The following ADAMTS2 variants were observed in gnomAD, a reference collection of about 807,000 sequenced individuals.
ADAMTS2 encodes A disintegrin and metalloproteinase with thrombospondin motifs 2.
Under a neutral mutation model 123.0 loss-of-function variants are expected in ADAMTS2, and 50 were observed. The observed-to-expected ratio is 0.41, with a 90% CI of 0.32 to 0.51. ADAMTS2 has a LOEUF of 0.51. ADAMTS2 is among the 20% of genes least tolerant of loss of function. ADAMTS2 has a pLI of 0.35. For synonymous variants in ADAMTS2, 678 were observed against 695.4 expected (o/e 0.98, Z 0.39); for missense variants, 1,494 against 1,705.2 (o/e 0.88, Z 2.18).
intron 19 of ADAMTS2, among the ~76,000 whole-genome samples, chr5:179,123,156 C>G (rs564095254): frequency 4.1e-4 from 63 of 152,180 alleles, no homozygotes; most frequent in Non-Finnish European, 6.3e-4. Flanking sequence ...TCTGACCCAG[C>G]CTAGGAGGCG....
chr5:179,245,594 G>A (rs986639633), intron 3 of ADAMTS2, among the ~76,000 whole-genome samples: 37 of 149,340 alleles, frequency 2.5e-4, no homozygotes, highest in Admixed American at 1.6e-3. Context: ...GTGAAACCCC[G>A]TCTCTACTAA....
chr5:179,168,382 C>T (rs1348570464), intron 5 of ADAMTS2, among the ~76,000 whole-genome samples: 2 of 152,186 alleles, frequency 1.3e-5, no homozygotes, highest in East Asian at 3.9e-4. Context: ...GAGTCCAGCC[C>T]CTCCTCCCAG....
At chr5:179,200,627 G>C (rs1447090375) in intron 4 of ADAMTS2, among the ~76,000 whole-genome samples, 1 of 152,154 alleles carries the variant, frequency 6.6e-6, no homozygotes, top group Non-Finnish European at 1.5e-5. Context: ...CGGTTGGTGA[G>C]GAACTGGAGC....
intron 10 of ADAMTS2, among the ~76,000 whole-genome samples, chr5:179,144,329 TA>T (rs1467722595): frequency 6.6e-6 from 1 of 152,212 alleles, no homozygotes; most frequent in Non-Finnish European, 1.5e-5. Flanking sequence ...TGATCAGTGT[TA>T]AAATGGAAAT....
chr5:179,321,865 A>T (rs1757190946), intron 2 of ADAMTS2, among the ~76,000 whole-genome samples: 1 of 152,026 alleles, frequency 6.6e-6, no homozygotes. Context: ...CTCAGCCCCC[A>T]GGCCCACAGA....
At chr5:179,295,659 C>A (rs1266110225) in intron 2 of ADAMTS2, among the ~76,000 whole-genome samples, 2 of 152,192 alleles carry the variant, frequency 1.3e-5, no homozygotes, top group African/African-American at 4.8e-5. Context: ...TCCCTGCAAC[C>A]ACCACAGACT....
Position 179,130,689 on chromosome 5 carries a change from C to T in ADAMTS2, c.2291-591G>A, listed in dbSNP as rs944504669. ...AGAGGACCTGGCTAGCCAGGAAGCC[C>T]CATGCTCTCTGCAGTGTGGGGGGTG... On this transcript the variant is annotated intron_variant, in intron 15 of 21. Transcript: ENST00000251582. The surrounding 1 kb of genome is among the most constrained non-coding windows in gnomAD (Gnocchi z 4.3). 6.6e-6 allele frequency among the ~76,000 whole-genome samples: 1 copy of T among 152,162 alleles called. No individual in the cohort carries two copies. The highest frequency in any genetic ancestry group is 1.5e-5 in the Non-Finnish European group (1 of 68,038).
chr5:179,207,490 GC>G (rs1381880100), intron 4 of ADAMTS2, 22 bp downstream of exon 4: 7 of 548,358 alleles, frequency 1.3e-5, no homozygotes, highest in African/African-American at 1.1e-4. Context: ...GCCCCACCCT[GC>G]CCCCTCAGCC....
rs777844020 is a variant in ADAMTS2 at position 179,256,816 on chromosome 5, C to T, written c.688+16095G>A. Among the ~76,000 whole-genome samples, 26 of 152,264 alleles carry T rather than the reference C, an allele frequency of 1.7e-4. No individual in the cohort carries two copies. Among genetic ancestry groups the T allele is most frequent in the Non-Finnish European group, 3.2e-4 (22 of 68,050 alleles). On this transcript the variant is annotated intron_variant, in intron 3 of 21. Coordinates refer to ENST00000251582, the MANE Select transcript of ADAMTS2 (RefSeq NM_014244.5). This position sits in a 1 kb window ranked among gnomAD's most constrained non-coding sequence, Gnocchi z 4.1. ...AAACCTCCTGATTTTTAAGTGTACA[C>T]TCAACATTTCTGAAGCCGTTGTACG...
At chr5:179,182,819 G>A (rs1199023516) in intron 4 of ADAMTS2, among the ~76,000 whole-genome samples, 1 of 152,200 alleles carries the variant, frequency 6.6e-6, no homozygotes, top group African/African-American at 2.4e-5. Context: ...GGCGTCTGGG[G>A]AGGGTGGGTC....
intron 3 of ADAMTS2, among the ~76,000 whole-genome samples, chr5:179,217,155 G>A (rs141578688): frequency 7.4e-4 from 112 of 152,360 alleles, no homozygotes; most frequent in African/African-American, 2.4e-3. Flanking sequence ...GAGAGGAGAA[G>A]CAAATGTGGT....
chr5:179,324,911 C>G (rs1757272818), intron 2 of ADAMTS2, among the ~76,000 whole-genome samples: 1 of 70,784 alleles, frequency 1.4e-5, no homozygotes, highest in Admixed American at 1.9e-4. Flanking sequence ...CAGGCAAAAG[C>G]CCAGAGGTCC....
At chr5:179,179,821 G>A (rs536072674) in intron 5 of ADAMTS2, among the ~76,000 whole-genome samples, 9 of 152,126 alleles carry the variant, frequency 5.9e-5, no homozygotes, top group African/African-American at 1.4e-4. Flanking sequence ...TTTTTACATC[G>A]TGTGCCTTAT....
intron 5 of ADAMTS2, among the ~76,000 whole-genome samples, chr5:179,174,010 C>T (rs1307220312): frequency 7.4e-6 from 1 of 134,384 alleles, no homozygotes; most frequent in Admixed American, 7.6e-5. Flanking sequence ...AAGACTCCAT[C>T]TCAAAAAAAA....
At chr5:179,320,707 C>T (rs116663851) in intron 2 of ADAMTS2, among the ~76,000 whole-genome samples, 1,855 of 152,244 alleles carry the variant, frequency 0.012, 45 homozygotes, top group African/African-American at 0.043. Flanking sequence ...GGGCACATGA[C>T]CCAGCCTAGG....
At chr5:179,300,825 C>T (rs1473142883) in intron 2 of ADAMTS2, among the ~76,000 whole-genome samples, 2 of 152,220 alleles carry the variant, frequency 1.3e-5, no homozygotes, top group Non-Finnish European at 2.9e-5. Context: ...AATTCAGTAA[C>T]AGTCTGAGAA....
chr5:179,269,883 C>G (rs1766481158), intron 3 of ADAMTS2, among the ~76,000 whole-genome samples: 1 of 152,188 alleles, frequency 6.6e-6, no homozygotes, highest in Non-Finnish European at 1.5e-5. Flanking sequence ...CCCCAAAAGG[C>G]CACCCAGCCT....
At chr5:179,255,499 G>T (rs1417415881) in intron 3 of ADAMTS2, among the ~76,000 whole-genome samples, 1 of 152,178 alleles carries the variant, frequency 6.6e-6, no homozygotes, top group Non-Finnish European at 1.5e-5. Context: ...TTGTGCCTGT[G>T]AGCAGACTGC....
chr5:179,227,032 A>C (rs1312806222), intron 3 of ADAMTS2, among the ~76,000 whole-genome samples: 1 of 152,190 alleles, frequency 6.6e-6, no homozygotes, highest in African/African-American at 2.4e-5. Flanking sequence ...TGCAGGAAAA[A>C]GTCAGAAAAA....
Sources: gnomAD v4.1 joint callset for allele counts (sites outside exome capture counted in the v4.1 genomes callset) on GRCh38, gnomAD v4.1.1 for gene constraint, Gnocchi (gnomAD v3.1) non-coding constraint, MANE v1.5 for transcripts, NCBI Gene and HGNC (gene_info 2026-07-23, HGNC 2026-07-21) for gene names.